Variants in KPNA3 observed in about 807,000 individuals in gnomAD.
KPNA3 encodes the protein karyopherin subunit alpha 3.
KPNA3 carries 13 observed loss-of-function variants against 73.8 expected under a neutral mutation model. The observed-to-expected ratio is 0.18, with a 90% CI of 0.11 to 0.28. KPNA3 has a LOEUF of 0.28. KPNA3 is among the 10% of genes least tolerant of loss of function. KPNA3 has a pLI of 1.00. For missense variants in KPNA3, 360 were observed against 618.1 expected (o/e 0.58, Z 4.43); for synonymous variants, 186 against 206.9 (o/e 0.90, Z 0.87).
At chr13:49,790,969 G>C (rs182449883) in intron 1 of KPNA3, among the ~76,000 whole-genome samples, 25 of 152,298 alleles carry the variant, frequency 1.6e-4, no homozygotes, top group East Asian at 9.6e-4. Flanking sequence ...CCAATAACAG[G>C]AGGCAGTTCC....
Position 49,701,110 on chromosome 13 carries a change from A to T in KPNA3, c.*690T>A, listed in dbSNP as rs1295464074. On this transcript the variant is annotated 3_prime_UTR_variant, in exon 17 of 17. Coordinates refer to ENST00000261667, the MANE Select transcript of KPNA3 (RefSeq NM_002267.4). ...TCTCAAAAATTAGGTATAATGGCAA[A>T]AGCATTAATATCCATATCTAAAGTT... 1.3e-5 allele frequency: 2 copies of T among 158,094 alleles called. No individual in the cohort carries two copies. The highest frequency in any genetic ancestry group is 2.8e-5 in the Non-Finnish European group (2 of 71,798). The allele number at this position is 158,094 out of a possible 1,614,324, so 9.8% of individuals were successfully genotyped here.
intron 1 of KPNA3, among the ~76,000 whole-genome samples, chr13:49,789,009 C>T (rs1309731857): frequency 6.6e-6 from 1 of 152,056 alleles, no homozygotes; most frequent in Non-Finnish European, 1.5e-5. Context: ...TAGCCATTCC[C>T]AGTCTCAATT....
At chr13:49,710,854 A>G in intron 11 of KPNA3, 37 bp downstream of exon 11, 1 of 1,586,506 alleles carries the variant, frequency 6.3e-7, no homozygotes, top group Non-Finnish European at 8.6e-7. Flanking sequence ...TAGCAAACAC[A>G]ACTGTATACA....
At chr13:49,782,397 A>G (rs1403625164) in intron 1 of KPNA3, among the ~76,000 whole-genome samples, 7 of 152,180 alleles carry the variant, frequency 4.6e-5, no homozygotes, top group African/African-American at 1.7e-4. Context: ...CCCCAGGTAC[A>G]ATCACACTTT....
chr13:49,792,056 G>A (rs904639750), intron 1 of KPNA3, among the ~76,000 whole-genome samples: 2 of 152,174 alleles, frequency 1.3e-5, no homozygotes, highest in African/African-American at 4.8e-5. Context: ...ACCGGTGGCG[G>A]GCGCAAGCAG....
intron 1 of KPNA3, among the ~76,000 whole-genome samples, chr13:49,761,134 G>A (rs1380614955): frequency 6.6e-6 from 1 of 152,126 alleles, no homozygotes; most frequent in African/African-American, 2.4e-5. Flanking sequence ...CTGGATCCTG[G>A]CTATTAACAG....
rs1193580939 is a variant in KPNA3, at chr13:49,739,633, G to A, written c.115-6587C>T. On this transcript the variant is annotated intron_variant, in intron 2 of 16. Transcript: ENST00000261667. ...GTCATCTGTCATCCTCAATTTTGAC[G>A]GATCAGTATCTGTTATTTGAAGTGT... Among the ~76,000 whole-genome samples the A allele has an allele frequency of 3.9e-5, 6 of 152,018 alleles. No individual in the cohort carries two copies. The South Asian group carries it at 6.2e-4, about 16-fold the overall frequency.
chr13:49,761,521 G>A (rs1375208023), intron 1 of KPNA3, among the ~76,000 whole-genome samples: 2 of 152,254 alleles, frequency 1.3e-5, no homozygotes, highest in African/African-American at 2.4e-5. Context: ...GATTGCAGAC[G>A]GAGTCTCGTT....
chr13:49,789,918 G>C lies in KPNA3; in HGVS notation c.69+2520C>G, dbSNP rs114448852. Among the ~76,000 whole-genome samples the C allele has an allele frequency of 3.0e-3, 452 of 152,184 alleles. 4 individuals carry two copies. Among genetic ancestry groups the C allele is most frequent in the African/African-American group, 0.011 (436 of 41,512 alleles). On this transcript the variant is annotated intron_variant, in intron 1 of 16. Coordinates refer to ENST00000261667, the MANE Select transcript of KPNA3 (RefSeq NM_002267.4). Reference sequence around the variant, plus strand: ...ATTCATCCATTAGAAATCAACCAGAGTATCTTCCCTTTCTGCTCACCTCCA... The same window carrying C: ...ATTCATCCATTAGAAATCAACCAGACTATCTTCCCTTTCTGCTCACCTCCA...
intron 6 of KPNA3, among the ~76,000 whole-genome samples, chr13:49,728,580 T>C (rs1954433162): frequency 6.6e-6 from 1 of 152,200 alleles, no homozygotes; most frequent in South Asian, 2.1e-4. Flanking sequence ...AGATGAAACA[T>C]GGCTTTCCCA....
At chr13:49,762,675 T>C (rs1429440945) in intron 1 of KPNA3, among the ~76,000 whole-genome samples, 1 of 151,926 alleles carries the variant, frequency 6.6e-6, no homozygotes, top group African/African-American at 2.4e-5. Context: ...TGCATGCTCG[T>C]TAAGAGTCAT....
At chr13:49,739,133 C>T (rs1189616391) in intron 2 of KPNA3, among the ~76,000 whole-genome samples, 2 of 152,140 alleles carry the variant, frequency 1.3e-5, no homozygotes, top group Non-Finnish European at 2.9e-5. Flanking sequence ...AGTACTGGAT[C>T]TTATCAAGCA....
At chr13:49,725,252 A>G (rs1034373910) in intron 7 of KPNA3, among the ~76,000 whole-genome samples, 164 bp downstream of exon 7, 10 of 152,252 alleles carry the variant, frequency 6.6e-5, no homozygotes, top group Non-Finnish European at 1.2e-4. Flanking sequence ...AAAATTTTTC[A>G]TGATAAATTA....
chr13:49,781,555 T>G (rs1954940811), intron 1 of KPNA3, among the ~76,000 whole-genome samples: 1 of 152,238 alleles, frequency 6.6e-6, no homozygotes, highest in African/African-American at 2.4e-5. Flanking sequence ...GTTTTATCCC[T>G]CACACTCAGT....
intron 10 of KPNA3, 123 bp downstream of exon 10, chr13:49,719,652 T>C (rs1954337024): frequency 6.9e-6 from 5 of 729,482 alleles, no homozygotes; most frequent in Non-Finnish European, 1.2e-5. Flanking sequence ...ATCCTATTTC[T>C]GAAAACTGTA....
intron 3 of KPNA3, 63 bp downstream of exon 3, chr13:49,732,894 A>G: frequency 2.9e-6 from 4 of 1,368,818 alleles, no homozygotes; most frequent in Non-Finnish European, 4.1e-6. Context: ...TATATTAAAA[A>G]TGAAGTTCTC....
intron 6 of KPNA3, among the ~76,000 whole-genome samples, chr13:49,728,624 A>G (rs1481319465): frequency 1.3e-5 from 2 of 152,242 alleles, no homozygotes; most frequent in Non-Finnish European, 1.5e-5. Context: ...AATCGAAGCA[A>G]AAGTGGACTG....
chr13:49,721,041 A>T (rs1404151754), intron 9 of KPNA3, among the ~76,000 whole-genome samples: 4 of 152,088 alleles, frequency 2.6e-5, no homozygotes, highest in Admixed American at 2.6e-4. Context: ...CTACACAGTG[A>T]AACCCCATCT....
intron 10 of KPNA3, among the ~76,000 whole-genome samples, chr13:49,713,038 C>G (rs1253721263): frequency 1.3e-5 from 2 of 149,314 alleles, no homozygotes; most frequent in South Asian, 4.2e-4. Flanking sequence ...ACGCTGTATA[C>G]AAGAGACACA....
Sources: gnomAD v4.1 joint callset for allele counts (sites outside exome capture counted in the v4.1 genomes callset) on GRCh38, gnomAD v4.1.1 for gene constraint, MANE v1.5 for transcripts, NCBI Gene and HGNC (gene_info 2026-07-23, HGNC 2026-07-21) for gene names.